Variants in KCNH6 observed in about 807,000 individuals in gnomAD.
KCNH6 encodes the protein potassium voltage-gated channel subfamily H member 6, also known as voltage-gated inwardly rectifying potassium channel KCNH6.
A neutral mutation model predicts 83.4 loss-of-function variants in KCNH6; 81 were observed. The observed-to-expected ratio is 0.97, with a 90% confidence interval of 0.81 to 1.17. The LOEUF is 1.17. Ranked by LOEUF, KCNH6 falls within the 50% of genes most tolerant of loss-of-function variation. The pLI is 0.00. For missense variants in KCNH6, 1,203 were observed against 1,290.5 expected (o/e 0.93, Z 1.04); for synonymous variants, 503 against 545.6 (o/e 0.92, Z 1.09).
At chr17:63,545,310 A>G in intron 12 of KCNH6, 46 bp downstream of exon 12, 1 of 1,588,144 alleles carries the variant, frequency 6.3e-7, no homozygotes, top group Non-Finnish European at 8.6e-7. Context: ...GAGCAGCTGC[A>G]TGCCTTCCCT....
rs951808872 is a variant in KCNH6, at chr17:63,545,968, A to G, written c.*66A>G. On this transcript the variant is annotated 3_prime_UTR_variant, in exon 13 of 13. Transcript: ENST00000314672. ...AAGGTGAGAGTTAAGGATCTTGGGG[A>G]GGTGGCCGGGTGCAGTGGCTCGCCT... The G allele has an allele frequency of 3.3e-6, 5 of 1,520,272 alleles. No homozygotes were observed. The African/African-American group carries it at 6.8e-5, about 21-fold the overall frequency. 94.2% of individuals were successfully genotyped at this position (1,520,272 alleles called of 1,614,324 possible). A position where few individuals can be genotyped will look rare whatever the true frequency, so the allele number is the denominator to read the frequency against.
Position 63,535,659 on chromosome 17 carries a change from A to G in KCNH6, c.1102-10A>G, listed in dbSNP as rs763591278. On this transcript the variant is annotated splice_polypyrimidine_tract_variant and intron_variant, in intron 5 of 12. Transcript: ENST00000314672. The surrounding 1 kb of genome is among the most constrained non-coding windows in gnomAD (Gnocchi z 4.9). ...ACCCCAGCCCTGTGACCATTTCCCT[A>G]CCCCTCCAGACCACAACCCTGATTG... The G allele has an allele frequency of 1.3e-6, 2 of 1,587,896 alleles. No homozygotes were observed. The highest frequency in any genetic ancestry group is 2.2e-5 in the East Asian group (1 of 44,472).
In KCNH6 at chr17:63,546,403, G is replaced by A. The variant is rs2033148581; in HGVS notation, c.*501G>A. The A allele has an allele frequency of 6.4e-6, 1 of 156,650 alleles. No individual in the cohort carries two copies. Among genetic ancestry groups the A allele is most frequent in the Non-Finnish European group, 1.4e-5 (1 of 70,664 alleles). The allele number at this position is 156,650 out of a possible 1,614,324, so 9.7% of individuals were successfully genotyped here. A position where few individuals can be genotyped will look rare whatever the true frequency, so the allele number is the denominator to read the frequency against. ...AGGGCTCCATTTAAACAGCAAGCCT[G>A]GTGCAGGGTGGGAGAGTCTCAGGTG... On this transcript the variant is annotated 3_prime_UTR_variant, in exon 13 of 13. Transcript: ENST00000314672.
downstream of KCNH6, chr17:63,548,914 T>C (rs2033198357): frequency 6.6e-6 from 1 of 151,744 alleles, no homozygotes; most frequent in Admixed American, 6.6e-5. Flanking sequence ...TGAGCCGAGA[T>C]AGTGCCACTG....
intron 2 of KCNH6, 104 bp from the exon 3 acceptor site, chr17:63,529,987 G>A: frequency 8.1e-7 from 1 of 1,236,680 alleles, no homozygotes; most frequent in South Asian, 1.4e-5. Context: ...CTTCACCCGT[G>A]GCTGCCCTTC....
intron 8 of KCNH6, 128 bp from the exon 9 acceptor site, chr17:63,542,113 G>A: frequency 2.2e-6 from 2 of 910,102 alleles, no homozygotes; most frequent in Non-Finnish European, 3.4e-6. Flanking sequence ...TGTCCCCAGA[G>A]CTCTATCCCA....
chr17:63,541,141 CTTATAT>C (rs1408541052), intron 8 of KCNH6, among the ~76,000 whole-genome samples: 5 of 152,166 alleles, frequency 3.3e-5, no homozygotes, highest in Non-Finnish European at 5.9e-5. Context: ...GGCACAACAT[CTTATAT>C]TTATATCCTT....
In KCNH6 at chr17:63,544,302, CT is replaced by C; in HGVS notation, c.2288del (p.Leu763ArgfsTer22). ...SDASGLWPEL[L>X]QEMPPRHSPQ... ...TGCATCTGGCCTCTGGCCTGAGCTACTGCAGGAAATGCCCCCAAGGCACAGC... is the reference window on the plus strand; with the variant it reads ...TGCATCTGGCCTCTGGCCTGAGCTACGCAGGAAATGCCCCCAAGGCACAGC... On this transcript the variant is annotated frameshift_variant, in exon 11 of 13. Coordinates refer to ENST00000314672, the MANE Select transcript of KCNH6 (RefSeq NM_001278919.2). LOFTEE classifies it high-confidence loss of function. 6.2e-7 allele frequency: 1 copy of C among 1,611,250 alleles called. No homozygotes were observed. The highest frequency in any genetic ancestry group is 8.5e-7 in the Non-Finnish European group (1 of 1,178,708).
rs185166554 is a variant in KCNH6 at position 63,537,695 on chromosome 17, C to T, written c.1502-370C>T. Among the ~76,000 whole-genome samples the T allele has an allele frequency of 2.6e-5, 4 of 152,314 alleles. No individual in the cohort carries two copies. The East Asian group carries it at 5.8e-4, about 22-fold the overall frequency. Reference sequence around the variant, plus strand: ...CAGGTGATCTGCCCACCTCGGCCTCCCAAAGTGCTGGGATTACAGGCCTGA... The same window carrying T: ...CAGGTGATCTGCCCACCTCGGCCTCTCAAAGTGCTGGGATTACAGGCCTGA... On this transcript the variant is annotated intron_variant, in intron 6 of 12. Coordinates refer to ENST00000314672, the MANE Select transcript of KCNH6 (RefSeq NM_001278919.2).
chr17:63,547,111 CATG>C (rs1434526989), downstream of KCNH6, among the ~76,000 whole-genome samples: 1 of 152,156 alleles, frequency 6.6e-6, no homozygotes, highest in African/African-American at 2.4e-5. Flanking sequence ...GACACCCAAA[CATG>C]AGGGGGATTT....
intron 9 of KCNH6, among the ~76,000 whole-genome samples, chr17:63,542,909 T>C (rs1159990323): frequency 6.6e-6 from 1 of 152,146 alleles, no homozygotes; most frequent in Non-Finnish European, 1.5e-5. Context: ...CTTCTCATGC[T>C]CATCCCTCAG....
intron 4 of KCNH6, among the ~76,000 whole-genome samples, chr17:63,530,779 C>G (rs2032053694): frequency 6.6e-6 from 1 of 152,198 alleles, no homozygotes; most frequent in Non-Finnish European, 1.5e-5. Context: ...AGGCTGGGGT[C>G]AGTAGGGCCT....
At chr17:63,542,159 TG>T in intron 8 of KCNH6, 81 bp from the exon 9 acceptor site, 3 of 1,433,922 alleles carry the variant, frequency 2.1e-6, no homozygotes, top group Non-Finnish European at 2.9e-6. Context: ...TGTCCGAGGT[TG>T]GGGGAGGTCA....
rs2031476485 is a variant in KCNH6, at chr17:63,523,492, G to A, written c.76+3G>A. On this transcript the variant is annotated splice_donor_region_variant and intron_variant, in intron 1 of 12. Coordinates refer to ENST00000314672, the MANE Select transcript of KCNH6 (RefSeq NM_001278919.2). The surrounding 1 kb of genome is among the most constrained non-coding windows in gnomAD (Gnocchi z 4.2). ...CATCCGCAAGTTCGAGGGCCAAAGT[G>A]AGTGTGTGTATGTTGGGGCGGGGGG... 3.1e-6 allele frequency: 5 copies of A among 1,603,188 alleles called. No homozygotes were observed. The highest frequency in any genetic ancestry group is 4.3e-6 in the Non-Finnish European group (5 of 1,174,704).
Position 63,524,339 on chromosome 17 carries a change from A to G in KCNH6, c.277A>G (p.Lys93Glu). The change falls in exon 2 of 13, where the codon AAG (lysine) becomes GAG (glutamate). Residue 93 changes from lysine (K) to glutamate (E), a missense_variant. Coordinates refer to ENST00000314672, the MANE Select transcript of KCNH6 (RefSeq NM_001278919.2). ...AQALLGAEEC[K>E]VDILYYRKDA... The stretch of plus-strand genomic sequence containing the variant: ...GGCCCTGCTGGGGGCTGAGGAGTGC[A>G]AGGTGGACATCCTCTACTACCGCAA... 6.2e-7 allele frequency: 1 copy of G among 1,613,782 alleles called. No homozygotes were observed. The highest frequency in any genetic ancestry group is 1.7e-5 in the Admixed American group (1 of 60,024).
chr17:63,543,065 G>A (rs573420446), intron 9 of KCNH6, among the ~76,000 whole-genome samples: 4 of 152,372 alleles, frequency 2.6e-5, no homozygotes, highest in Admixed American at 6.5e-5. Context: ...GCCCAGAGCG[G>A]GGTATCACGG....
Position 63,523,397 on chromosome 17 carries a change from G to A in KCNH6, c.-17G>A. The A allele has an allele frequency of 6.3e-7, 1 of 1,585,056 alleles. No individual in the cohort carries two copies. Among genetic ancestry groups the A allele is most frequent in the Non-Finnish European group, 8.6e-7 (1 of 1,167,926 alleles). Reference sequence around the variant, plus strand: ...CCAGTGGCGCCTGTGGCTCCGGGCAGGGGCCGCGGCCGAAAGATGCCGGTC... The same window carrying A: ...CCAGTGGCGCCTGTGGCTCCGGGCAAGGGCCGCGGCCGAAAGATGCCGGTC... On this transcript the variant is annotated 5_prime_UTR_variant, in exon 1 of 13. Coordinates refer to ENST00000314672, the MANE Select transcript of KCNH6 (RefSeq NM_001278919.2). The surrounding 1 kb of genome is among the most constrained non-coding windows in gnomAD (Gnocchi z 4.2).
intron 2 of KCNH6, among the ~76,000 whole-genome samples, chr17:63,529,887 C>T (rs770879203): frequency 4.6e-5 from 7 of 152,214 alleles, no homozygotes; most frequent in African/African-American, 7.2e-5. Context: ...GCAGCTTAAC[C>T]GCTCTCCCCA....
chr17:63,542,156 G>A, intron 8 of KCNH6, 85 bp from the exon 9 acceptor site: 1 of 1,417,060 alleles, frequency 7.1e-7, no homozygotes, highest in Non-Finnish European at 9.8e-7. Context: ...GGATGTCCGA[G>A]GTTGGGGGAG....
Sources: gnomAD v4.1 joint callset for allele counts (sites outside exome capture counted in the v4.1 genomes callset) on GRCh38, gnomAD v4.1.1 for gene constraint, Gnocchi (gnomAD v3.1) non-coding constraint, MANE v1.5 for transcripts, NCBI Gene and HGNC (gene_info 2026-07-23, HGNC 2026-07-21) for gene names.